ZNF518A: variants seen among roughly 807,000 people sequenced by gnomAD.
ZNF518A encodes zinc finger protein 518.
Under a neutral mutation model 102.7 loss-of-function variants are expected in ZNF518A, and 47 were observed. The ratio of observed to expected loss-of-function variants is 0.46; its 90% confidence interval spans 0.36 to 0.58. ZNF518A has a LOEUF of 0.58. ZNF518A is among the 20% of genes least tolerant of loss of function. The pLI, the probability that ZNF518A is intolerant of heterozygous loss-of-function variation, is 0.00. For synonymous variants in ZNF518A, 652 were observed against 594.6 expected (o/e 1.10, Z -1.40); for missense variants, 1,793 against 1,699.8 (o/e 1.05, Z -0.96).
At chr10:96,176,284 A>G (rs1256843603) in intron 1 of ZNF518A, among the ~76,000 whole-genome samples, 2 of 152,144 alleles carry the variant, frequency 1.3e-5, no homozygotes, top group Non-Finnish European at 2.9e-5. Context: ...ATGCCACACT[A>G]TAGGGCAATA....
chr10:96,201,291 T>G (rs2083627173), intron 1 of ZNF518A, among the ~76,000 whole-genome samples: 1 of 152,154 alleles, frequency 6.6e-6, no homozygotes, highest in Non-Finnish European at 1.5e-5. Context: ...AACCCAATTT[T>G]CCTCATGTAG....
downstream of ZNF518A, among the ~76,000 whole-genome samples, chr10:96,166,089 C>T (rs1481303073): frequency 6.6e-6 from 1 of 152,174 alleles, no homozygotes; most frequent in African/African-American, 2.4e-5. Flanking sequence ...GAAAATAAAG[C>T]TGTCTCAGCT....
At chr10:96,183,455 C>T (rs1366889539) in intron 1 of ZNF518A, among the ~76,000 whole-genome samples, 1 of 152,176 alleles carries the variant, frequency 6.6e-6, no homozygotes, top group African/African-American at 2.4e-5. Flanking sequence ...GCATTTAGTG[C>T]TATAAATTTC....
At chr10:96,155,819 C>T (rs1395895940) in intron 4 of ZNF518A, 105 bp from the exon 5 acceptor site, 1 of 152,318 alleles carries the variant, frequency 6.6e-6, no homozygotes, top group Non-Finnish European at 1.5e-5. Context: ...ATTGGAACTT[C>T]TTAGGATTCT....
In ZNF518A at chr10:96,158,188, T is replaced by C. The variant is rs782077348; in HGVS notation, c.1866T>C (p.Tyr622=). 3.7e-6 allele frequency: 6 copies of C among 1,613,656 alleles called. No homozygotes were observed. The highest frequency in any genetic ancestry group is 1.6e-4 in the Middle Eastern group (1 of 6,062). ...ATATGCATAATTATTGCATTAATTA[T>C]GGCAACTGTGAGTTACCTGTTGAAT... is the stretch of plus-strand genomic sequence containing the variant. ...SGDMHNYCIN[Y]GNCELPVESS... is the part of the protein sequence containing the mutation. Residue 622 remains tyrosine (Y), a synonymous_variant, in exon 6 of 6, where the codon TAT becomes TAC. Transcript: ENST00000316045.
intron 1 of ZNF518A, among the ~76,000 whole-genome samples, chr10:96,170,526 C>T (rs1170311520): frequency 6.6e-6 from 1 of 152,192 alleles, no homozygotes; most frequent in Admixed American, 6.5e-5. Flanking sequence ...ACTAGAGTAA[C>T]TTAAAATACC....
Position 96,158,345 on chromosome 10 carries a change from C to T in ZNF518A, c.2023C>T (p.Gln675Ter). The change falls in exon 6 of 6, where the codon CAA (glutamine) becomes TAA (stop). Residue 675 changes from glutamine (Q) to a stop codon, truncating the protein, a stop_gained. Transcript: ENST00000316045. LOFTEE classifies it high-confidence loss of function. ...RESSSSKTVV[Q>*]QPISESFLSL... ...ATCTTCATCCAGCAAAACAGTTGTC[C>T]AACAACCAATTAGTGAATCATTTTT... 6.2e-7 allele frequency: 1 copy of T among 1,613,616 alleles called. No individual in the cohort carries two copies. Among genetic ancestry groups the T allele is most frequent in the Non-Finnish European group, 8.5e-7 (1 of 1,179,732 alleles).
At position 96,200,759 on chromosome 10, in the gene ZNF518A, C is replaced by T. The variant is rs1554895904; in HGVS notation, n.36-2815C>T. 6.6e-6 allele frequency among the ~76,000 whole-genome samples: 1 copy of T among 152,120 alleles called. No homozygotes were observed. The highest frequency in any genetic ancestry group is 1.5e-5 in the Non-Finnish European group (1 of 68,002). ...GAGGAAGAATAATGAAAACACATTTCCTTGCTAGTTTTGAGGAAACATTAA... is the reference window on the plus strand; with the variant it reads ...GAGGAAGAATAATGAAAACACATTTTCTTGCTAGTTTTGAGGAAACATTAA... On this transcript the variant is annotated intron_variant and non_coding_transcript_variant, in intron 1 of 2. Coordinates refer to the ZNF518A transcript ENST00000442635. The surrounding 1 kb of genome is among the most constrained non-coding windows in gnomAD (Gnocchi z 4.3).
chr10:96,184,115 A>C (rs2083256597), intron 1 of ZNF518A, among the ~76,000 whole-genome samples: 1 of 151,998 alleles, frequency 6.6e-6, no homozygotes, highest in African/African-American at 2.4e-5. Context: ...AGTCTGTTTT[A>C]TCAGACTAGG....
At position 96,156,608 on chromosome 10, in the gene ZNF518A, T is replaced by C. The variant is rs2082706108; in HGVS notation, c.286T>C (p.Cys96Arg). The change falls in exon 6 of 6, where the codon TGT (cysteine) becomes CGT (arginine). Residue 96 changes from cysteine (C) to arginine (R), a missense_variant. By Grantham distance (180) the Cys-to-Arg change is radical. Around this residue, in one of 3 missense-constraint regions of ZNF518A, gnomAD observed 1,741 missense variants for 1,622.6 expected, o/e 1.07. Transcript: ENST00000316045. ...SIKTVSCVEE[C>R]TLLHKSERAE... ...AAAGACTGTAAGCTGTGTAGAGGAG[T>C]GTACATTGCTTCATAAGTCTGAGAG... 6.2e-7 allele frequency: 1 copy of C among 1,613,170 alleles called. No homozygotes were observed. The highest frequency in any genetic ancestry group is 8.5e-7 in the Non-Finnish European group (1 of 1,179,686).
rs7075831 is a variant in ZNF518A at position 96,201,199 on chromosome 10, G to T, written n.36-2375G>T. ...CTTAAGGCAATGGTTCCAAAAGTGT[G>T]GTCCAAGGACCCCTGGAAATCTCGA... On this transcript the variant is annotated intron_variant and non_coding_transcript_variant, in intron 1 of 2. Coordinates refer to the ZNF518A transcript ENST00000442635. The T allele has an allele frequency of 0.09, 67,091 of 741,534 alleles. 3,683 individuals are homozygous for T. The highest frequency in any genetic ancestry group is 0.15 in the South Asian group (9,457 of 62,330). The allele number at this position is 741,534 out of a possible 1,614,324, so 45.9% of individuals were successfully genotyped here.
intron 3 of ZNF518A, among the ~76,000 whole-genome samples, chr10:96,134,742 T>C (rs1376147172): frequency 1.3e-5 from 2 of 152,314 alleles, no homozygotes; most frequent in East Asian, 3.9e-4. Flanking sequence ...TTGTGACTGG[T>C]ATGGCTGCAT....
intron 3 of ZNF518A, among the ~76,000 whole-genome samples, chr10:96,140,128 G>T (rs1554875948): frequency 6.6e-6 from 1 of 152,184 alleles, no homozygotes; most frequent in African/African-American, 2.4e-5. Flanking sequence ...AGAGTGCTAG[G>T]ATTACAGGTG....
At chr10:96,166,662 G>C (rs1337746372), downstream of ZNF518A, among the ~76,000 whole-genome samples, 1 of 152,206 alleles carries the variant, frequency 6.6e-6, no homozygotes, top group East Asian at 1.9e-4. Flanking sequence ...CACTACTCGA[G>C]AGTCTGAGGC....
chr10:96,147,022 G>T (rs998207674), intron 3 of ZNF518A, among the ~76,000 whole-genome samples: 9 of 152,130 alleles, frequency 5.9e-5, no homozygotes, highest in African/African-American at 9.7e-5. Flanking sequence ...CAACCTTAGG[G>T]CCCACTGTAA....
chr10:96,182,455 G>A (rs994595274), intron 1 of ZNF518A, among the ~76,000 whole-genome samples: 3 of 152,222 alleles, frequency 2.0e-5, no homozygotes, highest in South Asian at 2.1e-4. Context: ...TCAGTATGAT[G>A]GTGGCTGTGG....
At chr10:96,165,444 C>G (rs770305885), downstream of ZNF518A, among the ~76,000 whole-genome samples, 1 of 103,850 alleles carries the variant, frequency 9.6e-6, no homozygotes, top group South Asian at 3.1e-4. Context: ...CAAAATAATA[C>G]AAGCCTGCCA....
rs587625685 is a variant in ZNF518A at position 96,158,145 on chromosome 10, A to G, written c.1823A>G (p.Asn608Ser). 3.1e-6 allele frequency: 5 copies of G among 1,613,622 alleles called. No homozygotes were observed. In the South Asian group the frequency reaches 3.3e-5, roughly 11 times the overall value. The change falls in exon 6 of 6, where the codon AAT becomes AGT. Residue 608 changes from asparagine to serine, a missense_variant. Physicochemically the swap from Asn to Ser is conservative, Grantham distance 46. Coordinates refer to ENST00000316045, the MANE Select transcript of ZNF518A (RefSeq NM_001330736.2). The part of the protein sequence containing the change: ...PDKVNCVAKP[N>S]AYNSGDMHNY... ...AAAGTCAACTGTGTTGCCAAACCAAATGCATACAACAGTGGAGATATGCAT... is the reference window on the plus strand; with the variant it reads ...AAAGTCAACTGTGTTGCCAAACCAAGTGCATACAACAGTGGAGATATGCAT...
At chr10:96,193,122 A>G (rs2083370109) in intron 1 of ZNF518A, among the ~76,000 whole-genome samples, 1 of 152,246 alleles carries the variant, frequency 6.6e-6, no homozygotes, top group Non-Finnish European at 1.5e-5. Context: ...ATATTCAGTC[A>G]GGGAGAGAGG....
Sources: allele counts gnomAD v4.1 joint callset (sites outside exome capture counted in the v4.1 genomes callset), GRCh38; gene constraint gnomAD v4.1.1; regional missense constraint gnomAD v4.1.1; non-coding constraint Gnocchi (gnomAD v3.1); transcripts MANE v1.5; gene names NCBI Gene and HGNC (gene_info 2026-07-23, HGNC 2026-07-21).